Variants in TCF4 observed in about 807,000 individuals in gnomAD.
TCF4 encodes SL3-3 enhancer factor 2.
In TCF4, 3 loss-of-function variants were observed where a neutral mutation model predicts 82.1. The observed-to-expected ratio is 0.04, with a 90% CI of 0.02 to 0.09. The LOEUF (loss-of-function observed/expected upper bound fraction) is 0.09, where lower values mean the gene tolerates loss of function less well. Ranked by LOEUF, TCF4 falls within the 10% of genes least tolerant of loss-of-function variation. The pLI is 1.00. For synonymous variants in TCF4, 276 were observed against 309.6 expected (o/e 0.89, Z 1.14); for missense variants, 518 against 852.7 (o/e 0.61, Z 4.89).
chr18:55,597,761 G>A (rs764355957), intron 2 of TCF4, among the ~76,000 whole-genome samples: 6 of 152,136 alleles, frequency 3.9e-5, no homozygotes, highest in Non-Finnish European at 5.9e-5. Context: ...ATTCCAAAGT[G>A]CAGTAAAATA....
intron 8 of TCF4, among the ~76,000 whole-genome samples, chr18:55,305,829 T>C (rs1380354709): frequency 6.6e-6 from 1 of 152,196 alleles, no homozygotes; most frequent in African/African-American, 2.4e-5. Context: ...CTATTATCAG[T>C]TTCCATACTG....
At chr18:55,601,501 A>C (rs2097696943) in intron 2 of TCF4, among the ~76,000 whole-genome samples, 1 of 152,082 alleles carries the variant, frequency 6.6e-6, no homozygotes, top group Non-Finnish European at 1.5e-5. Context: ...AGTCTGATTC[A>C]AGCTGGGTGC....
At chr18:55,632,937 G>C (rs2097732918) in intron 1 of TCF4, among the ~76,000 whole-genome samples, 1 of 152,198 alleles carries the variant, frequency 6.6e-6, no homozygotes, top group Non-Finnish European at 1.5e-5. Flanking sequence ...ATGTGGAATA[G>C]GTAGTTATAT....
At chr18:55,611,198 G>A (rs995499979) in intron 2 of TCF4, among the ~76,000 whole-genome samples, 1 of 152,116 alleles carries the variant, frequency 6.6e-6, no homozygotes, top group Non-Finnish European at 1.5e-5. Flanking sequence ...ACTACTCTGG[G>A]CTGGCTCCAT....
chr18:55,386,167 G>A (rs73492948), intron 6 of TCF4, among the ~76,000 whole-genome samples: 18,027 of 152,100 alleles, frequency 0.12, 2,459 homozygotes, highest in African/African-American at 0.34. Flanking sequence ...TCCCCACCCA[G>A]GGAGTCCCCA....
intron 8 of TCF4, among the ~76,000 whole-genome samples, chr18:55,282,095 C>A (rs1015679678): frequency 5.7e-4 from 87 of 151,914 alleles, no homozygotes; most frequent in African/African-American, 1.9e-3. Flanking sequence ...AAATCAGATA[C>A]AATGTTATTC....
At chr18:55,334,914 T>C (rs2078319349) in intron 8 of TCF4, among the ~76,000 whole-genome samples, 1 of 152,210 alleles carries the variant, frequency 6.6e-6, no homozygotes, top group East Asian at 1.9e-4. Context: ...ACTTTTCAAA[T>C]GTGAGAGCAA....
At chr18:55,589,404 A>T (rs1294418798), upstream of TCF4, 1 of 1,055,686 alleles carries the variant, frequency 9.5e-7, no homozygotes, top group Non-Finnish European at 1.1e-6. Context: ...ATCCCCAAAA[A>T]GTATTTTAAC....
At chr18:55,631,505 T>C in intron 1 of TCF4, 1 of 1,032,540 alleles carries the variant, frequency 9.7e-7, no homozygotes, top group Non-Finnish European at 1.4e-6. Flanking sequence ...GGTAATGCCC[T>C]ACAGGGATGA....
chr18:55,589,994 G>A (rs1384348984), upstream of TCF4: 2 of 211,478 alleles, frequency 9.5e-6, no homozygotes, highest in Non-Finnish European at 1.6e-5. Flanking sequence ...CGCGCGTGGG[G>A]CGGCACTGTG....
chr18:55,427,860 T>G (rs753017367), intron 5 of TCF4, among the ~76,000 whole-genome samples: 1 of 152,224 alleles, frequency 6.6e-6, no homozygotes, highest in Non-Finnish European at 1.5e-5. Flanking sequence ...GTTTTGTTCA[T>G]CATGAGAACC....
At chr18:55,612,260 G>A (rs1170253194) in intron 2 of TCF4, among the ~76,000 whole-genome samples, 1 of 152,124 alleles carries the variant, frequency 6.6e-6, no homozygotes, top group Non-Finnish European at 1.5e-5. Context: ...TGGGAATGAT[G>A]GGCACTCTTG....
chr18:55,442,965 T>C (rs1194006971), intron 5 of TCF4, among the ~76,000 whole-genome samples: 6 of 152,192 alleles, frequency 3.9e-5, no homozygotes, highest in Admixed American at 3.3e-4. Context: ...AAATATACCA[T>C]TCGTACTTCT....
chr18:55,524,479 ATTC>A (rs958435542), intron 3 of TCF4, among the ~76,000 whole-genome samples: 42 of 152,308 alleles, frequency 2.8e-4, no homozygotes, highest in African/African-American at 9.4e-4. Flanking sequence ...ATTTTCAGAT[ATTC>A]TTCAAGTGTT....
chr18:55,529,918 C>G (rs2097039618), intron 3 of TCF4, among the ~76,000 whole-genome samples: 1 of 152,078 alleles, frequency 6.6e-6, no homozygotes, highest in African/African-American at 2.4e-5. Flanking sequence ...TCCTAGAACT[C>G]AGACTTAGAA....
At chr18:55,365,166 T>G (rs1396629135) in intron 6 of TCF4, among the ~76,000 whole-genome samples, 1 of 70,918 alleles carries the variant, frequency 1.4e-5, no homozygotes, top group African/African-American at 5.1e-5. Context: ...AATATATATA[T>G]ATATATATAT....
chr18:55,260,100 T>C, intron 12 of TCF4, 73 bp from the exon 13 acceptor site: 1 of 1,149,902 alleles, frequency 8.7e-7, no homozygotes. Context: ...AACTACGAAG[T>C]TGTCAACGCA....
intron 3 of TCF4, among the ~76,000 whole-genome samples, chr18:55,548,501 A>G (rs946521207): frequency 1.4e-4 from 22 of 152,256 alleles, no homozygotes; most frequent in African/African-American, 4.1e-4. Flanking sequence ...TTTTAACTCA[A>G]TCTAAAACTA....
intron 8 of TCF4, among the ~76,000 whole-genome samples, chr18:55,326,357 C>A (rs1035093379): frequency 7.0e-6 from 1 of 143,008 alleles, no homozygotes; most frequent in African/African-American, 2.6e-5. Flanking sequence ...CCTTGTGTCT[C>A]CTCTGCTGTT....
Sources: gnomAD v4.1 joint callset for allele counts (sites outside exome capture counted in the v4.1 genomes callset) on GRCh38, gnomAD v4.1.1 for gene constraint, MANE v1.5 for transcripts, NCBI Gene and HGNC (gene_info 2026-07-23, HGNC 2026-07-21) for gene names.